Variants in DIPK2B observed in about 807,000 individuals in gnomAD.
DIPK2B encodes the protein divergent protein kinase domain 2B.
DIPK2B carries 15 observed loss-of-function variants against 22.2 expected under a neutral mutation model. The observed-to-expected ratio is 0.68, with a 90% CI of 0.45 to 1.04. DIPK2B has a LOEUF of 1.04. Ranked by LOEUF, DIPK2B falls within the 50% of genes least tolerant of loss-of-function variation. The pLI, the probability that DIPK2B is intolerant of heterozygous loss-of-function variation, is 0.00. For synonymous variants in DIPK2B, 163 were observed against 153.2 expected (o/e 1.06, Z -0.47); for missense variants, 345 against 348.3 (o/e 0.99, Z 0.08).
intron 2 of DIPK2B, 58 bp from the exon 3 acceptor site, chrX:45,157,946 G>A (rs61423499): frequency 3.6e-5 from 33 of 927,695 alleles, no homozygotes; most frequent in Non-Finnish European, 4.0e-5. Flanking sequence ...AAGCTCTTGT[G>A]GGGGGTTAGC....
intron 1 of DIPK2B, among the ~76,000 whole-genome samples, chrX:45,198,118 CA>C (rs2047249795): frequency 9.0e-6 from 1 of 111,019 alleles, no homozygotes; most frequent in South Asian, 3.8e-4. Flanking sequence ...TAGTAGTTTC[CA>C]AAAAGTATAC....
In DIPK2B at chrX:45,150,654, A is replaced by C. The variant is rs2046955495; in HGVS notation, c.*998T>G. On this transcript the variant is annotated 3_prime_UTR_variant, in exon 5 of 5. Coordinates refer to ENST00000398000, the MANE Select transcript of DIPK2B (RefSeq NM_176819.4). The stretch of plus-strand genomic sequence containing the variant: ...GCTGTTTCCGCCAACCACTGAGTGC[A>C]GCAGGGATGCTAACGGGGTCTATTT... The C allele has an allele frequency of 9.0e-6, 1 of 111,516 alleles. No homozygotes were observed. The highest frequency in any genetic ancestry group is 3.8e-4 in the South Asian group (1 of 2,610). 9.2% of individuals were successfully genotyped at this position (111,516 alleles called of 1,213,427 possible). A position where few individuals can be genotyped will look rare whatever the true frequency, so the allele number is the denominator to read the frequency against.
At chrX:45,195,637 G>C (rs2047235799) in intron 1 of DIPK2B, among the ~76,000 whole-genome samples, 1 of 111,940 alleles carries the variant, frequency 8.9e-6, no homozygotes, top group South Asian at 3.7e-4. Flanking sequence ...TTAACTTAGA[G>C]CTTAAACTTA....
intron 2 of DIPK2B, among the ~76,000 whole-genome samples, chrX:45,185,873 C>T (rs954263459): frequency 3.6e-5 from 4 of 110,405 alleles, no homozygotes; most frequent in African/African-American, 3.3e-5. Context: ...AGGATGGTCT[C>T]GATCTCCTGA....
At position 45,151,472 on chromosome X, in the gene DIPK2B, G is replaced by A. The variant is rs1156244224; in HGVS notation, c.*180C>T. The A allele has an allele frequency of 2.5e-5, 12 of 482,346 alleles. No homozygotes were observed. In the East Asian group the frequency reaches 4.1e-4, roughly 16 times the overall value. The allele number at this position is 482,346 out of a possible 1,213,427, so 39.8% of individuals were successfully genotyped here. ...TGCCCACCGCGGGCTTTGCCAGGAC[G>A]TCCCAGCCAGCAGAGACAGCCACGT... On this transcript the variant is annotated 3_prime_UTR_variant, in exon 5 of 5. Coordinates refer to ENST00000398000, the MANE Select transcript of DIPK2B (RefSeq NM_176819.4).
intron 2 of DIPK2B, among the ~76,000 whole-genome samples, chrX:45,160,475 G>T (rs2047017251): frequency 8.9e-6 from 1 of 111,867 alleles, no homozygotes; most frequent in African/African-American, 3.3e-5. Flanking sequence ...CTCCCAAAGT[G>T]CTGGGATTAC....
At chrX:45,197,649 G>GA (rs1175770052) in intron 1 of DIPK2B, among the ~76,000 whole-genome samples, 1 of 112,078 alleles carries the variant, frequency 8.9e-6, no homozygotes, top group African/African-American at 3.2e-5. Context: ...GTTTAGCAAA[G>GA]AAGAAATACA....
intron 1 of DIPK2B, among the ~76,000 whole-genome samples, chrX:45,197,160 G>A (rs1159617948): frequency 1.8e-5 from 2 of 109,758 alleles, no homozygotes; most frequent in Admixed American, 1.9e-4. Context: ...AGTTTTGGAT[G>A]GGCTTTCCCC....
At chrX:45,172,167 A>G (rs2047086240) in intron 2 of DIPK2B, among the ~76,000 whole-genome samples, 1 of 112,254 alleles carries the variant, frequency 8.9e-6, no homozygotes, top group African/African-American at 3.2e-5. Flanking sequence ...CTTTCTTACC[A>G]GGAGGGCTGG....
chrX:45,169,107 A>T (rs1603103172), intron 2 of DIPK2B, among the ~76,000 whole-genome samples: 1 of 111,452 alleles, frequency 9.0e-6, no homozygotes, highest in East Asian at 2.8e-4. Flanking sequence ...TTGAGAGTGA[A>T]TGGGGCTGGT....
intron 2 of DIPK2B, among the ~76,000 whole-genome samples, chrX:45,182,128 T>C (rs187461777): frequency 9.3e-6 from 1 of 108,023 alleles, no homozygotes; most frequent in Non-Finnish European, 1.9e-5. Context: ...CCAGCCTGGA[T>C]GAAGATATTT....
In DIPK2B at chrX:45,192,094, A is replaced by T. The variant is rs2047214801; in HGVS notation, c.234-79T>A. On this transcript the variant is annotated intron_variant, in intron 1 of 4. Transcript: ENST00000398000. The stretch of plus-strand genomic sequence containing the variant: ...GCCCAGGGACAGGAAGACAGGGGAC[A>T]ATAGCCCAACTGATCCATTTCTCCT... 3 of 973,130 alleles carry T rather than the reference A, an allele frequency of 3.1e-6. No individual in the cohort carries two copies. In the Admixed American group the frequency reaches 1.0e-4, roughly 34 times the overall value. The allele number at this position is 973,130 out of a possible 1,213,427, so 80.2% of individuals were successfully genotyped here.
intron 3 of DIPK2B, among the ~76,000 whole-genome samples, chrX:45,154,724 T>TA (rs1285806224): frequency 8.9e-6 from 1 of 112,076 alleles, no homozygotes; most frequent in Non-Finnish European, 1.9e-5. Context: ...CAAATAGGAT[T>TA]ATTTGAGATT....
At position 45,155,961 on chromosome X, in the gene DIPK2B, C is replaced by CTTTTTTTTTTTTTTTTT. The variant is rs757375184; in HGVS notation, c.672+1737_672+1753dup. Among the ~76,000 whole-genome samples the CTTTTTTTTTTTTTTTTT allele has an allele frequency of 7.4e-4, 41 of 55,257 alleles. 4 individuals are homozygous for CTTTTTTTTTTTTTTTTT. Among genetic ancestry groups the CTTTTTTTTTTTTTTTTT allele is most frequent in the African/African-American group, 2.8e-3 (38 of 13,760 alleles). The allele number at this position is 55,257 out of a possible 115,157, so 48.0% of individuals were successfully genotyped here. On this transcript the variant is annotated intron_variant, in intron 3 of 4. Transcript: ENST00000398000. The stretch of plus-strand genomic sequence containing the variant: ...AGTTTCCCCTGCCTAAAGGGGACCT[C>CTTTTTTTTTTTTTTTTT]TTTTTTTTTTTTTTTTTTTTTTTTA...
At chrX:45,178,650 G>T (rs2047132098) in intron 2 of DIPK2B, among the ~76,000 whole-genome samples, 1 of 111,558 alleles carries the variant, frequency 9.0e-6, no homozygotes, top group African/African-American at 3.3e-5. Context: ...TGCCAAAATG[G>T]CTGGGATTTG....
intron 2 of DIPK2B, among the ~76,000 whole-genome samples, chrX:45,159,756 A>G (rs1015969099): frequency 8.9e-6 from 1 of 112,184 alleles, no homozygotes; most frequent in Non-Finnish European, 1.9e-5. Context: ...ATGGGCCCTT[A>G]GTACCCTTGC....
intron 1 of DIPK2B, among the ~76,000 whole-genome samples, chrX:45,197,181 T>C (rs979973068): frequency 1.9e-5 from 2 of 103,776 alleles, no homozygotes; most frequent in African/African-American, 3.5e-5. Context: ...TAAGATGTCA[T>C]AGTAATCACC....
At chrX:45,193,842 A>G (rs1332414930) in intron 1 of DIPK2B, among the ~76,000 whole-genome samples, 3 of 111,369 alleles carry the variant, frequency 2.7e-5, no homozygotes, top group Non-Finnish European at 3.8e-5. Flanking sequence ...AGGGCCCAGG[A>G]CCCAGAGACT....
At position 45,177,377 on chromosome X, in the gene DIPK2B, G is replaced by A; in HGVS notation, c.498+14374C>T. ...AGGTGGGGCCTCATGGGAGGTGTTTGGGTCATGGAGGTGGATCCTTCATGA... is the reference window on the plus strand; with the variant it reads ...AGGTGGGGCCTCATGGGAGGTGTTTAGGTCATGGAGGTGGATCCTTCATGA... On this transcript the variant is annotated intron_variant, in intron 2 of 4. Coordinates refer to ENST00000398000, the MANE Select transcript of DIPK2B (RefSeq NM_176819.4). Among the ~76,000 whole-genome samples, 2 of 110,493 alleles carry A rather than the reference G, an allele frequency of 1.8e-5. 1 individual carries two copies.
Sources: allele counts gnomAD v4.1 joint callset (sites outside exome capture counted in the v4.1 genomes callset), GRCh38; gene constraint gnomAD v4.1.1; transcripts MANE v1.5; gene names NCBI Gene and HGNC (gene_info 2026-07-23, HGNC 2026-07-21).